Variants in GALNT1 observed in about 807,000 individuals in gnomAD.
The protein encoded by GALNT1 is polypeptide N-acetylgalactosaminyltransferase 1, also known as GalNAc transferase 1.
GALNT1 carries 17 observed loss-of-function variants against 65.7 expected under a neutral mutation model. The ratio of observed to expected loss-of-function variants is 0.26; its 90% CI spans 0.18 to 0.39. The LOEUF (loss-of-function observed/expected upper bound fraction) is 0.39. Among genes scored for constraint, GALNT1 ranks in the 10% least tolerant of loss-of-function variants. GALNT1 has a pLI of 1.00. For missense variants in GALNT1, 460 were observed against 672.8 expected (o/e 0.68, Z 3.50); for synonymous variants, 210 against 219.7 (o/e 0.96, Z 0.39).
chr18:35,581,031 C>T (rs1304372458), upstream of GALNT1: 1 of 152,066 alleles, frequency 6.6e-6, no homozygotes, highest in Non-Finnish European at 1.5e-5. Flanking sequence ...CAGTCCCGGG[C>T]CTCCTGCATC....
In GALNT1 at chr18:35,684,346, A is replaced by AT. The variant is rs537220639; in HGVS notation, c.689+754dup. Among the ~76,000 whole-genome samples, 437 of 152,264 alleles carry AT rather than the reference A, an allele frequency of 2.9e-3. 1 individual carries two copies. Among genetic ancestry groups the AT allele is most frequent in the African/African-American group, 9.7e-3 (404 of 41,564 alleles). On this transcript the variant is annotated intron_variant, in intron 5 of 11. Coordinates refer to ENST00000269195, the MANE Select transcript of GALNT1 (RefSeq NM_020474.4). ...GTTTGATAGCAAATGCTGGATCTATATTTTTTCCCTTTCAAAGATGAATAA... is the reference window on the plus strand; with the variant it reads ...GTTTGATAGCAAATGCTGGATCTATATTTTTTTCCCTTTCAAAGATGAATAA...
chr18:35,628,417 G>T (rs915922342), intron 1 of GALNT1, among the ~76,000 whole-genome samples: 16 of 152,258 alleles, frequency 1.1e-4, no homozygotes, highest in African/African-American at 3.4e-4. Context: ...ACCAGTATTC[G>T]CTGTTCTGCA....
At chr18:35,624,786 C>T (rs1352771104) in intron 1 of GALNT1, among the ~76,000 whole-genome samples, 1 of 152,160 alleles carries the variant, frequency 6.6e-6, no homozygotes, top group African/African-American at 2.4e-5. Context: ...TACCCTATCC[C>T]TAAACACAAT....
intron 9 of GALNT1, among the ~76,000 whole-genome samples, chr18:35,700,248 A>G (rs1287467267): frequency 6.6e-6 from 1 of 152,226 alleles, no homozygotes; most frequent in African/African-American, 2.4e-5. Context: ...CCCTTCAGCT[A>G]CAAAGAAGCC....
chr18:35,658,817 C>A lies in GALNT1; in HGVS notation c.139+4016C>A, dbSNP rs536398793. The stretch of plus-strand genomic sequence containing the variant: ...CTCCGTCTCCTGGGTTCAAGCGATT[C>A]TCCTGTCCCAGCCTCCCGAGTTGCT... On this transcript the variant is annotated intron_variant, in intron 2 of 11. Coordinates refer to ENST00000269195, the MANE Select transcript of GALNT1 (RefSeq NM_020474.4). Among the ~76,000 whole-genome samples, 66 of 151,688 alleles carry A rather than the reference C, an allele frequency of 4.4e-4. 1 individual carries two copies. Among genetic ancestry groups the A allele is most frequent in the African/African-American group, 1.5e-3 (61 of 41,342 alleles).
chr18:35,588,836 G>C (rs1160104168), intron 1 of GALNT1, among the ~76,000 whole-genome samples: 1 of 151,978 alleles, frequency 6.6e-6, no homozygotes, highest in African/African-American at 2.4e-5. Context: ...AATTATTGAA[G>C]CATGTCTATC....
At chr18:35,587,326 A>G (rs2046389114) in intron 1 of GALNT1, among the ~76,000 whole-genome samples, 2 of 152,144 alleles carry the variant, frequency 1.3e-5, no homozygotes, top group Non-Finnish European at 2.9e-5. Flanking sequence ...TTCCTTTTTA[A>G]TCTGCACACT....
chr18:35,607,924 A>C (rs996016616), intron 1 of GALNT1, among the ~76,000 whole-genome samples: 2 of 152,200 alleles, frequency 1.3e-5, no homozygotes, highest in East Asian at 3.8e-4. Flanking sequence ...TGGAAGGGAC[A>C]TGAATATTGG....
chr18:35,610,737 T>TA (rs1310386749), intron 1 of GALNT1, among the ~76,000 whole-genome samples: 5 of 152,188 alleles, frequency 3.3e-5, no homozygotes, highest in Non-Finnish European at 1.5e-5. Flanking sequence ...ATAATTTATT[T>TA]AAAATAATAG....
At chr18:35,622,917 T>G (rs892282652) in intron 1 of GALNT1, among the ~76,000 whole-genome samples, 1 of 152,124 alleles carries the variant, frequency 6.6e-6, no homozygotes, top group Non-Finnish European at 1.5e-5. Context: ...TTCTTTGTTT[T>G]AAGTGTCTTA....
chr18:35,583,820 G>T (rs1011996237), intron 1 of GALNT1, among the ~76,000 whole-genome samples: 1 of 152,174 alleles, frequency 6.6e-6, no homozygotes, highest in Admixed American at 6.5e-5. Flanking sequence ...AGATCTGTTT[G>T]TAACTTTCAG....
At chr18:35,662,805 T>C (rs2047495746) in intron 2 of GALNT1, among the ~76,000 whole-genome samples, 1 of 152,228 alleles carries the variant, frequency 6.6e-6, no homozygotes, top group Non-Finnish European at 1.5e-5. Flanking sequence ...AACCTGTTTT[T>C]CTTGGACATT....
At chr18:35,586,635 G>A (rs959932796) in intron 1 of GALNT1, among the ~76,000 whole-genome samples, 3 of 152,046 alleles carry the variant, frequency 2.0e-5, no homozygotes, top group Non-Finnish European at 2.9e-5. Flanking sequence ...GTGTTTATGC[G>A]TGTGTCTATG....
At chr18:35,701,479 A>G (rs915591728) in intron 9 of GALNT1, among the ~76,000 whole-genome samples, 2 of 152,242 alleles carry the variant, frequency 1.3e-5, no homozygotes, top group Non-Finnish European at 2.9e-5. Context: ...ATTTTACCAT[A>G]AAATCTTTTA....
At chr18:35,653,797 A>G (rs746719642) in intron 1 of GALNT1, among the ~76,000 whole-genome samples, 1 of 152,250 alleles carries the variant, frequency 6.6e-6, no homozygotes, top group Non-Finnish European at 1.5e-5. Context: ...AAAGGGAGGT[A>G]GTAGGGTGGG....
At chr18:35,620,025 G>A (rs2144099087) in intron 1 of GALNT1, among the ~76,000 whole-genome samples, 1 of 152,210 alleles carries the variant, frequency 6.6e-6, no homozygotes, top group South Asian at 2.1e-4. Flanking sequence ...TGGCAGCATC[G>A]CAAAGGTCCC....
chr18:35,708,760 T>A (rs2048307216), intron 11 of GALNT1, among the ~76,000 whole-genome samples: 1 of 152,212 alleles, frequency 6.6e-6, no homozygotes. Flanking sequence ...CCTAATAACA[T>A]GTTGCTGCAT....
intron 9 of GALNT1, among the ~76,000 whole-genome samples, chr18:35,697,213 G>C (rs2048073426): frequency 6.6e-6 from 1 of 152,068 alleles, no homozygotes. Context: ...ATCTCATTTA[G>C]AGCACTTAAC....
Position 35,693,006 on chromosome 18 carries a change from C to T in GALNT1, c.1299+686C>T, listed in dbSNP as rs554080599. Among the ~76,000 whole-genome samples, 164 of 152,256 alleles carry T rather than the reference C, an allele frequency of 1.1e-3. 2 individuals carry two copies. The highest frequency in any genetic ancestry group is 3.7e-3 in the African/African-American group (155 of 41,540). ...ATACAGCAATAAGTAAAGCAGAGAT[C>T]CTGCTCTTGTTGATCTTACAGTCCA... On this transcript the variant is annotated intron_variant, in intron 9 of 11. Transcript: ENST00000269195.
Sources: gnomAD v4.1 joint callset for allele counts (sites outside exome capture counted in the v4.1 genomes callset) on GRCh38, gnomAD v4.1.1 for gene constraint, MANE v1.5 for transcripts, NCBI Gene and HGNC (gene_info 2026-07-23, HGNC 2026-07-21) for gene names.